The following CEP95 variants were observed in gnomAD, a reference collection of about 807,000 sequenced individuals.
The protein encoded by CEP95 is centrosomal protein of 95 kDa.
CEP95 carries 98 observed loss-of-function variants against 111.2 expected under a neutral mutation model. The observed-to-expected ratio is 0.88, with a 90% CI of 0.75 to 1.04. The LOEUF is 1.04. CEP95 is among the 50% of genes least tolerant of loss of function. The probability of loss-of-function intolerance (pLI) is 0.00; values close to 1 mark genes in which losing one functional copy is unlikely to be tolerated. For synonymous variants in CEP95, 323 were observed against 327.1 expected, an observed-to-expected ratio of 0.99 and a Z score of 0.14; for missense variants, 1,027 against 977.2, an observed-to-expected ratio of 1.05 and a Z score of -0.68.
chr17:64,519,871 A>G (rs951886916), intron 6 of CEP95, among the ~76,000 whole-genome samples: 2 of 152,224 alleles, frequency 1.3e-5, no homozygotes, highest in Non-Finnish European at 2.9e-5. Context: ...TGCACATAGT[A>G]GACCCGGATA....
chr17:64,526,885 A>G (rs1462196534), intron 10 of CEP95, among the ~76,000 whole-genome samples: 2 of 152,338 alleles, frequency 1.3e-5, no homozygotes, highest in East Asian at 3.9e-4. Context: ...ACTGGAACCC[A>G]GTAGGCAGAG....
intron 11 of CEP95, among the ~76,000 whole-genome samples, chr17:64,527,891 T>TACACAC (rs374252937): frequency 7.1e-6 from 1 of 141,512 alleles, no homozygotes. Flanking sequence ...TATATATATA[T>TACACAC]ACACACACAC....
Position 64,529,360 on chromosome 17 carries a change from A to G in CEP95, c.1379A>G (p.Gln460Arg). 1 of 1,613,908 alleles carries G rather than the reference A, an allele frequency of 6.2e-7. No individual in the cohort carries two copies. The highest frequency in any genetic ancestry group is 8.5e-7 in the Non-Finnish European group (1 of 1,179,828). The change falls in exon 12 of 20, where the codon CAG becomes CGG. Residue 460 changes from glutamine to arginine, a missense_variant. Physicochemically the swap from Gln to Arg is conservative, Grantham distance 43. Coordinates refer to ENST00000556440, the MANE Select transcript of CEP95 (RefSeq NM_138363.3). ...CCATCTCCAGTTAACAAACACAAAC[A>G]GTTCCACTTGGAGAGAAAAAGGCAG... is the stretch of plus-strand genomic sequence containing the variant. ...LSPSPVNKHK[Q>R]FHLERKRQRK...
upstream of CEP95, chr17:64,506,821 C>G (rs1405309456): frequency 5.1e-6 from 3 of 583,358 alleles, no homozygotes; most frequent in Middle Eastern, 4.5e-4. Flanking sequence ...GTCCGACCCG[C>G]GTGTCTGATA....
intron 13 of CEP95, 171 bp downstream of exon 13, chr17:64,531,189 G>T: frequency 2.4e-6 from 1 of 417,056 alleles, no homozygotes. Context: ...AAGGCATTCA[G>T]GTTGCTAAAA....
Position 64,525,772 on chromosome 17 carries a change from T to C in CEP95, c.912T>C (p.Asp304=). The change falls in exon 9 of 20, where the codon GAT becomes GAC. Residue 304 remains aspartate, a splice_region_variant and synonymous_variant. Coordinates refer to ENST00000556440, the MANE Select transcript of CEP95 (RefSeq NM_138363.3). The part of the protein sequence containing the change: ...STGEHTEFSG[D]LDDGLFLISK... ...AACTTTTTTTCTGTTTTTAATAGGA[T>C]CTAGATGATGGACTTTTCTTAATTT... 1.3e-6 allele frequency: 2 copies of C among 1,594,728 alleles called. No individual in the cohort carries two copies. Among genetic ancestry groups the C allele is most frequent in the Non-Finnish European group, 1.7e-6 (2 of 1,168,418 alleles).
chr17:64,511,317 A>AG (rs1364915139), intron 3 of CEP95, among the ~76,000 whole-genome samples: 1 of 152,200 alleles, frequency 6.6e-6, no homozygotes, highest in African/African-American at 2.4e-5. Context: ...TGGGAGACTG[A>AG]GGTCTATTTC....
intron 5 of CEP95, among the ~76,000 whole-genome samples, chr17:64,518,315 A>G (rs1014607394): frequency 5.3e-5 from 8 of 152,186 alleles, no homozygotes; most frequent in African/African-American, 1.9e-4. Flanking sequence ...CTTAATGTTT[A>G]TTCTTTTTTT....
chr17:64,525,947 A>G (rs1308721390), intron 9 of CEP95, 65 bp downstream of exon 9: 2 of 1,472,302 alleles, frequency 1.4e-6, no homozygotes, highest in South Asian at 2.7e-5. Context: ...ATGCAGGGGC[A>G]TGATCTCCAA....
chr17:64,519,073 C>T (rs1967105250), intron 5 of CEP95, among the ~76,000 whole-genome samples: 1 of 152,184 alleles, frequency 6.6e-6, no homozygotes, highest in African/African-American at 2.4e-5. Context: ...TAGCATCCCA[C>T]CCCCTTCACT....
chr17:64,516,929 A>G (rs1966902044), intron 5 of CEP95, 101 bp downstream of exon 5: 1 of 632,928 alleles, frequency 1.6e-6, no homozygotes, highest in Non-Finnish European at 2.7e-6. Flanking sequence ...AAAAAAAGCT[A>G]ATGTGAAACT....
intron 11 of CEP95, 32 bp downstream of exon 11, chr17:64,527,296 C>T (rs1967893418): frequency 1.3e-6 from 2 of 1,555,062 alleles, no homozygotes; most frequent in East Asian, 2.3e-5. Context: ...AGAAGGGGGA[C>T]ATCCATGTGA....
At chr17:64,518,665 G>A (rs1967063830) in intron 5 of CEP95, among the ~76,000 whole-genome samples, 1 of 152,108 alleles carries the variant, frequency 6.6e-6, no homozygotes, top group South Asian at 2.1e-4. Context: ...TGTCTCAGAG[G>A]AGACCATCAT....
intron 16 of CEP95, 24 bp from the exon 17 acceptor site, chr17:64,534,561 T>C: frequency 6.2e-7 from 1 of 1,607,568 alleles, no homozygotes; most frequent in Non-Finnish European, 8.5e-7. Flanking sequence ...TACCCTTCTC[T>C]TCCCTCCCCT....
Position 64,508,662 on chromosome 17 carries a change from C to T in CEP95, c.90C>T (p.Asp30=), listed in dbSNP as rs2038717009. 1 of 1,464,350 alleles carries T rather than the reference C, an allele frequency of 6.8e-7. No individual in the cohort carries two copies. The highest frequency in any genetic ancestry group is 1.6e-5 in the South Asian group (1 of 64,376). 90.7% of individuals were successfully genotyped at this position (1,464,350 alleles called of 1,614,324 possible). Residue 30 remains aspartate (D), a synonymous_variant, in exon 2 of 20, where the codon GAC becomes GAT. Coordinates refer to ENST00000556440, the MANE Select transcript of CEP95 (RefSeq NM_138363.3). ...ATCTGAGAATACATGAACTTCAAGACTGTGATGCTAATGTTTTTATTGCTC... is the reference window on the plus strand; with the variant it reads ...ATCTGAGAATACATGAACTTCAAGATTGTGATGCTAATGTTTTTATTGCTC... The part of the protein sequence containing the change: ...HIHLRIHELQ[D]CDANVFIALY...
At chr17:64,506,939 G>T, upstream of CEP95, 2 of 795,734 alleles carry the variant, frequency 2.5e-6, no homozygotes, top group Non-Finnish European at 2.2e-6. Flanking sequence ...AATCAGCGGC[G>T]AGAAGCTCTT....
At chr17:64,507,744 C>A in intron 1 of CEP95, 1 of 985,790 alleles carries the variant, frequency 1.0e-6, no homozygotes, top group Non-Finnish European at 1.2e-6. Flanking sequence ...GGATTATGTG[C>A]ATGGAAAATA....
At chr17:64,524,591 A>G (rs1555678653) in intron 8 of CEP95, among the ~76,000 whole-genome samples, 1 of 152,200 alleles carries the variant, frequency 6.6e-6, no homozygotes, top group East Asian at 1.9e-4. Context: ...GATTATAGGC[A>G]TGAATCACCA....
intron 4 of CEP95, 34 bp downstream of exon 4, chr17:64,514,392 C>A: frequency 1.0e-6 from 1 of 977,128 alleles, no homozygotes; most frequent in Non-Finnish European, 1.6e-6. Context: ...GTTTGGTTTA[C>A]CTTTTATGAT....
Sources: allele counts gnomAD v4.1 joint callset (sites outside exome capture counted in the v4.1 genomes callset), GRCh38; gene constraint gnomAD v4.1.1; transcripts MANE v1.5; gene names NCBI Gene and HGNC (gene_info 2026-07-23, HGNC 2026-07-21).